CHSY3: variants seen among roughly 807,000 people sequenced by gnomAD.
CHSY3 encodes N-acetylgalactosaminyl-proteoglycan 3-beta-glucuronosyltransferase 3.
Under a neutral mutation model 67.2 loss-of-function variants are expected in CHSY3, and 35 were observed. The ratio of observed to expected loss-of-function variants is 0.52; its 90% CI spans 0.40 to 0.69. CHSY3 has a LOEUF of 0.69. Among genes scored for constraint, CHSY3 ranks in the 30% least tolerant of loss-of-function variants. CHSY3 has a pLI of 0.00. For synonymous variants in CHSY3, 474 were observed against 434.7 expected (o/e 1.09, Z -1.12); for missense variants, 1,069 against 1,138.5 (o/e 0.94, Z 0.88).
intron 2 of CHSY3, among the ~76,000 whole-genome samples, chr5:130,021,358 G>T (rs531641238): frequency 1.6e-4 from 25 of 152,206 alleles, no homozygotes; most frequent in African/African-American, 6.0e-4. Flanking sequence ...ATATTGGAGA[G>T]TTTTTGGATT....
intron 2 of CHSY3, among the ~76,000 whole-genome samples, chr5:130,125,797 A>G (rs1768262507): frequency 6.6e-6 from 1 of 152,216 alleles, no homozygotes; most frequent in African/African-American, 2.4e-5. Flanking sequence ...TCTCATAAGA[A>G]TGGCTACTAA....
Position 130,185,777 on chromosome 5 carries a change from C to T in CHSY3, c.2635C>T (p.Arg879Ter), listed in dbSNP as rs201876337. Residue 879 changes from arginine (R) to a stop codon, truncating the protein, a stop_gained, in exon 3 of 3, where the codon CGA (arginine) becomes TGA (stop). Transcript: ENST00000305031. LOFTEE classifies it high-confidence loss of function. ...AAAACATTTAGGTGTCAGGTACAATCGAACTCTCTCCTGACAGTCCAGGCA... is the reference window on the plus strand; with the variant it reads ...AAAACATTTAGGTGTCAGGTACAATTGAACTCTCTCCTGACAGTCCAGGCA... Reference protein sequence around the residue: ...LEKHLGVRYNRTLS With the variant: ...LEKHLGVRYN 4.5e-5 allele frequency: 72 copies of T among 1,596,972 alleles called. No homozygotes were observed. The highest frequency in any genetic ancestry group is 5.7e-5 in the Non-Finnish European group (67 of 1,169,520).
intron 2 of CHSY3, among the ~76,000 whole-genome samples, chr5:130,099,108 C>G (rs1021541538): frequency 7.2e-5 from 11 of 152,132 alleles, no homozygotes; most frequent in African/African-American, 2.2e-4. Flanking sequence ...TTATTTCTCC[C>G]CCAGTGACTC....
chr5:130,110,633 GT>G (rs550198399), intron 2 of CHSY3, among the ~76,000 whole-genome samples: 4 of 151,372 alleles, frequency 2.6e-5, no homozygotes, highest in Non-Finnish European at 3.0e-5. Flanking sequence ...TTACATGCAG[GT>G]TTTTTTTCTA....
chr5:130,079,859 C>T (rs1766389794), intron 2 of CHSY3, among the ~76,000 whole-genome samples: 1 of 152,028 alleles, frequency 6.6e-6, no homozygotes, highest in East Asian at 1.9e-4. Flanking sequence ...GTGAATACTA[C>T]ATTAGCACGA....
At chr5:130,007,778 G>T (rs984466736) in intron 2 of CHSY3, among the ~76,000 whole-genome samples, 1 of 152,100 alleles carries the variant, frequency 6.6e-6, no homozygotes, top group African/African-American at 2.4e-5. Flanking sequence ...GGTCTTTGTT[G>T]ACTGTTGGTT....
chr5:130,101,537 G>A (rs550330489), intron 2 of CHSY3, among the ~76,000 whole-genome samples: 21 of 151,976 alleles, frequency 1.4e-4, no homozygotes, highest in African/African-American at 4.1e-4. Flanking sequence ...ATTGTGGAAC[G>A]GCTAAGTCAA....
At chr5:129,925,508 T>G (rs1408302624) in intron 2 of CHSY3, among the ~76,000 whole-genome samples, 2 of 152,208 alleles carry the variant, frequency 1.3e-5, no homozygotes, top group Non-Finnish European at 2.9e-5. Flanking sequence ...TATGTATACA[T>G]TATGGAATGG....
At chr5:130,069,273 T>C (rs1329215435) in intron 2 of CHSY3, among the ~76,000 whole-genome samples, 2 of 152,056 alleles carry the variant, frequency 1.3e-5, no homozygotes, top group Non-Finnish European at 2.9e-5. Flanking sequence ...AGAAAATTAC[T>C]GTGAATATTG....
At position 129,951,257 on chromosome 5, in the gene CHSY3, T is replaced by C. The variant is rs74744467; in HGVS notation, c.1086+42897T>C. Among the ~76,000 whole-genome samples, 1,413 of 152,266 alleles carry C rather than the reference T, an allele frequency of 9.3e-3. 18 individuals are homozygous for C. The highest frequency in any genetic ancestry group is 0.032 in the African/African-American group (1,309 of 41,542). Reference sequence around the variant, plus strand: ...CCCAAAGTCAACTCAAAATGAATTATAGTTTTAAACTTAAATCCTAAGCCA... The same window carrying C: ...CCCAAAGTCAACTCAAAATGAATTACAGTTTTAAACTTAAATCCTAAGCCA... On this transcript the variant is annotated intron_variant, in intron 2 of 2. Coordinates refer to ENST00000305031, the MANE Select transcript of CHSY3 (RefSeq NM_175856.5).
intron 2 of CHSY3, among the ~76,000 whole-genome samples, chr5:130,131,802 G>C (rs1768491170): frequency 6.6e-6 from 1 of 152,120 alleles, no homozygotes; most frequent in Non-Finnish European, 1.5e-5. Flanking sequence ...TTGTCTACTT[G>C]TTTCACTACT....
rs1760390717 is a variant in CHSY3, at chr5:129,908,226, A to G, written c.952A>G (p.Ser318Gly). ...FCMGGPGMIF[S>G]REVLRRMVPH... The stretch of plus-strand genomic sequence containing the variant: ...TATGGGAGGACCTGGCATGATCTTT[A>G]GCCGAGAAGTTCTCAGGAGGATGGT... The change falls in exon 2 of 3, where the codon AGC becomes GGC. Residue 318 changes from serine (S) to glycine (G), a missense_variant. This residue lies in a region of CHSY3 where 216 missense variants were observed against 311.5 expected (regional missense o/e 0.69). Coordinates refer to ENST00000305031, the MANE Select transcript of CHSY3 (RefSeq NM_175856.5). 6.2e-7 allele frequency: 1 copy of G among 1,614,178 alleles called. No individual in the cohort carries two copies. The highest frequency in any genetic ancestry group is 1.1e-5 in the South Asian group (1 of 91,084).
intron 2 of CHSY3, among the ~76,000 whole-genome samples, chr5:130,086,239 G>C (rs1196497108): frequency 6.6e-6 from 1 of 152,120 alleles, no homozygotes; most frequent in East Asian, 1.9e-4. Context: ...TATTGTGTGG[G>C]AGTCTAAGTC....
chr5:130,060,989 C>T (rs1765693743), intron 2 of CHSY3, among the ~76,000 whole-genome samples: 1 of 152,074 alleles, frequency 6.6e-6, no homozygotes, highest in South Asian at 2.1e-4. Context: ...ACCGTACTGC[C>T]TAAAGCAATC....
chr5:130,117,783 A>T (rs1438843541), intron 2 of CHSY3, among the ~76,000 whole-genome samples: 1 of 152,146 alleles, frequency 6.6e-6, no homozygotes, highest in Non-Finnish European at 1.5e-5. Flanking sequence ...ATGCTTCCAG[A>T]TCATTTTTCT....
intron 2 of CHSY3, among the ~76,000 whole-genome samples, chr5:129,983,648 C>T (rs1218408825): frequency 6.6e-6 from 1 of 151,956 alleles, no homozygotes; most frequent in Non-Finnish European, 1.5e-5. Flanking sequence ...AGGGTAGATA[C>T]TAATGACAGA....
intron 2 of CHSY3, among the ~76,000 whole-genome samples, chr5:130,006,026 A>T (rs960011091): frequency 3.9e-5 from 6 of 152,302 alleles, no homozygotes; most frequent in African/African-American, 1.4e-4. Flanking sequence ...AGATAAACCC[A>T]TGGAAGCCCA....
intron 2 of CHSY3, among the ~76,000 whole-genome samples, chr5:130,063,457 G>T (rs890035291): frequency 1.3e-5 from 2 of 152,028 alleles, no homozygotes; most frequent in Non-Finnish European, 2.9e-5. Context: ...ATATATATTT[G>T]TGTCATAGTT....
intron 2 of CHSY3, among the ~76,000 whole-genome samples, chr5:130,029,771 G>A (rs1196139124): frequency 1.3e-5 from 2 of 152,006 alleles, no homozygotes; most frequent in Non-Finnish European, 2.9e-5. Flanking sequence ...AGCCATTAGA[G>A]AGAAAATCAG....
Sources: allele counts gnomAD v4.1 joint callset (sites outside exome capture counted in the v4.1 genomes callset), GRCh38; gene constraint gnomAD v4.1.1; regional missense constraint gnomAD v4.1.1; transcripts MANE v1.5; gene names NCBI Gene and HGNC (gene_info 2026-07-23, HGNC 2026-07-21).